The following SCG5 variants were observed in gnomAD, a reference collection of about 807,000 sequenced individuals.
The protein encoded by SCG5 is neuroendocrine protein 7B2.
SCG5 carries 18 observed loss-of-function variants against 25.7 expected under a neutral mutation model. The ratio of observed to expected loss-of-function variants is 0.70; its 90% confidence interval spans 0.48 to 1.04. SCG5 has a LOEUF of 1.04. Among genes scored for constraint, SCG5 ranks in the 50% least tolerant of loss-of-function variants. The pLI, the probability that SCG5 is intolerant of heterozygous loss-of-function variation, is 0.00. For missense variants in SCG5, 206 were observed against 259.8 expected, an observed-to-expected ratio of 0.79 and a Z score of 1.42; for synonymous variants, 101 against 91.7, an observed-to-expected ratio of 1.10 and a Z score of -0.58.
chr15:32,680,907 T>C (rs2054608707), intron 3 of SCG5, among the ~76,000 whole-genome samples: 1 of 152,236 alleles, frequency 6.6e-6, no homozygotes, highest in South Asian at 2.1e-4. Context: ...AGACTCTGAC[T>C]ACCTGAGTTC....
intron 2 of SCG5, among the ~76,000 whole-genome samples, chr15:32,674,263 G>A (rs1055830323): frequency 3.3e-5 from 5 of 152,164 alleles, no homozygotes; most frequent in African/African-American, 4.8e-5. Context: ...GAAACAGCAC[G>A]TTCTCTCTAA....
chr15:32,675,155 T>C (rs1256295389), intron 2 of SCG5, among the ~76,000 whole-genome samples: 1 of 152,210 alleles, frequency 6.6e-6, no homozygotes, highest in Non-Finnish European at 1.5e-5. Flanking sequence ...AGAGACATTT[T>C]TAGAGTGCCA....
chr15:32,684,530 T>C (rs1567086835), intron 3 of SCG5, 27 bp from the exon 4 acceptor site: 1 of 1,415,184 alleles, frequency 7.1e-7, no homozygotes, highest in Non-Finnish European at 1.0e-6. Flanking sequence ...TCTTGGCCGT[T>C]CCTCAAAAAC....
At chr15:32,692,246 C>T in intron 5 of SCG5, 1 of 989,332 alleles carries the variant, frequency 1.0e-6, no homozygotes, top group Non-Finnish European at 1.2e-6. Flanking sequence ...CTTAATTTCT[C>T]CTATGTATCT....
intron 1 of SCG5, among the ~76,000 whole-genome samples, chr15:32,643,379 T>C (rs1241480827): frequency 2.6e-5 from 4 of 152,150 alleles, no homozygotes; most frequent in Non-Finnish European, 5.9e-5. Context: ...ATTGGATACC[T>C]GCAACTGTTT....
intron 2 of SCG5, among the ~76,000 whole-genome samples, chr15:32,656,946 G>A (rs1022926185): frequency 2.6e-5 from 4 of 151,470 alleles, no homozygotes; most frequent in Admixed American, 6.6e-5. Flanking sequence ...ATAGCAGGAA[G>A]AGCACTGAGG....
At chr15:32,666,019 T>C (rs2054312490) in intron 2 of SCG5, 1 of 152,212 alleles carries the variant, frequency 6.6e-6, no homozygotes, top group South Asian at 2.1e-4. Flanking sequence ...CTGTATGAGC[T>C]ATTAAATAGG....
At chr15:32,670,586 A>G (rs1051618199) in intron 2 of SCG5, among the ~76,000 whole-genome samples, 3 of 152,246 alleles carry the variant, frequency 2.0e-5, no homozygotes, top group African/African-American at 4.8e-5. Flanking sequence ...GATAATATCC[A>G]TCTCTAAGTA....
chr15:32,652,866 A>C lies in SCG5; in HGVS notation c.226+9048A>C, dbSNP rs2054055788. On this transcript the variant is annotated intron_variant, in intron 2 of 5. Coordinates refer to ENST00000300175, the MANE Select transcript of SCG5 (RefSeq NM_001144757.3). ...TAGTTATTTACTAGTTATAGTATAA[A>C]CTTTTAATATTTACTTTTTATAACT... Among the ~76,000 whole-genome samples the C allele has an allele frequency of 2.0e-5, 3 of 152,200 alleles. No homozygotes were observed. In the South Asian group the frequency reaches 6.2e-4, roughly 32 times the overall value.
At position 32,641,753 on chromosome 15, in the gene SCG5, C is replaced by G. The variant is rs2140489967; in HGVS notation, c.-33C>G. 1 of 152,444 alleles carries G rather than the reference C, an allele frequency of 6.6e-6. No homozygotes were observed. The highest frequency in any genetic ancestry group is 6.5e-5 in the Admixed American group (1 of 15,306). The allele number at this position is 152,444 out of a possible 1,614,324, so 9.4% of individuals were successfully genotyped here. ...CTGACCCCCACCAAGGCCCATACCGCAGTAGGCTCCTCGGGCTGCCCCTCG... is the reference window on the plus strand; with the variant it reads ...CTGACCCCCACCAAGGCCCATACCGGAGTAGGCTCCTCGGGCTGCCCCTCG... On this transcript the variant is annotated 5_prime_UTR_variant, in exon 1 of 6. Coordinates refer to ENST00000300175, the MANE Select transcript of SCG5 (RefSeq NM_001144757.3).
chr15:32,680,854 C>T (rs550450318), intron 3 of SCG5, among the ~76,000 whole-genome samples: 3 of 152,190 alleles, frequency 2.0e-5, no homozygotes, highest in Non-Finnish European at 2.9e-5. Flanking sequence ...CACTTACATC[C>T]GGCTTTGAGC....
At chr15:32,685,463 G>T in intron 4 of SCG5, among the ~76,000 whole-genome samples, 1 of 152,180 alleles carries the variant, frequency 6.6e-6, no homozygotes, top group East Asian at 1.9e-4. Flanking sequence ...TCACCAAAAT[G>T]GGGCTTGTTA....
At chr15:32,677,193 C>T (rs1022191477) in intron 2 of SCG5, among the ~76,000 whole-genome samples, 6 of 152,140 alleles carry the variant, frequency 3.9e-5, no homozygotes, top group Non-Finnish European at 7.3e-5. Context: ...AGATACTTCT[C>T]ATCATTCTCA....
intron 3 of SCG5, among the ~76,000 whole-genome samples, chr15:32,681,098 C>T (rs1398649275): frequency 6.6e-6 from 1 of 152,190 alleles, no homozygotes; most frequent in African/African-American, 2.4e-5. Context: ...TTATAATTAG[C>T]TTTGCTGCCC....
At chr15:32,657,217 G>A (rs373197306) in intron 2 of SCG5, among the ~76,000 whole-genome samples, 1,504 of 17,152 alleles carry the variant, frequency 0.088, 3 homozygotes, top group Non-Finnish European at 0.14. Context: ...ATATATGTAT[G>A]TATTTCCAGG....
At chr15:32,690,576 CCTT>C (rs921344910) in intron 4 of SCG5, among the ~76,000 whole-genome samples, 2 of 152,176 alleles carry the variant, frequency 1.3e-5, no homozygotes, top group Non-Finnish European at 2.9e-5. Context: ...AGTAGAGGCT[CCTT>C]CACTCTGGCA....
chr15:32,683,078 A>G (rs564149757), intron 3 of SCG5, among the ~76,000 whole-genome samples: 2 of 152,218 alleles, frequency 1.3e-5, no homozygotes, highest in Non-Finnish European at 1.5e-5. Flanking sequence ...GTTAATTGCT[A>G]TATATTGTGT....
intron 2 of SCG5, among the ~76,000 whole-genome samples, chr15:32,647,767 C>T (rs137929962): frequency 2.9e-4 from 44 of 152,296 alleles, no homozygotes; most frequent in African/African-American, 7.5e-4. Flanking sequence ...AGTAGCAGGG[C>T]GAGGAAATGT....
intron 1 of SCG5, 96 bp from the exon 2 acceptor site, chr15:32,643,490 C>G: frequency 2.0e-6 from 2 of 1,018,964 alleles, no homozygotes; most frequent in Non-Finnish European, 1.5e-6. Flanking sequence ...CTGGGTGGTC[C>G]TCGAACCACA....
Sources: allele counts gnomAD v4.1 joint callset (sites outside exome capture counted in the v4.1 genomes callset), GRCh38; gene constraint gnomAD v4.1.1; transcripts MANE v1.5; gene names NCBI Gene and HGNC (gene_info 2026-07-23, HGNC 2026-07-21).